CACNB3: variants seen among roughly 807,000 people sequenced by gnomAD.
CACNB3 encodes the protein calcium voltage-gated channel auxiliary subunit beta 3, also known as voltage-dependent L-type calcium channel subunit beta-3.
A neutral mutation model predicts 63.7 loss-of-function variants in CACNB3; 36 were observed. That is an observed-to-expected ratio of 0.57 (90% CI 0.43 to 0.75). The LOEUF is 0.75. Ranked by LOEUF, CACNB3 falls within the 30% of genes least tolerant of loss-of-function variation. The pLI is 0.00. For missense variants in CACNB3, 493 were observed against 648.6 expected, an observed-to-expected ratio of 0.76 and a Z score of 2.61; for synonymous variants, 241 against 250.6, an observed-to-expected ratio of 0.96 and a Z score of 0.36.
chr12:48,824,014 T>G, intron 3 of CACNB3: 1 of 691,112 alleles, frequency 1.4e-6, no homozygotes, highest in South Asian at 1.9e-5. Flanking sequence ...TCTCCATGTC[T>G]GTCAAGTGAG....
chr12:48,820,793 G>A (rs910851247), intron 1 of CACNB3: 5 of 152,256 alleles, frequency 3.3e-5, no homozygotes, highest in Non-Finnish European at 5.9e-5. Flanking sequence ...ATGGAGAGGG[G>A]GTTCCATTCT....
upstream of CACNB3, among the ~76,000 whole-genome samples, chr12:48,816,282 T>C (rs758254128): frequency 3.3e-5 from 5 of 152,242 alleles, no homozygotes; most frequent in Non-Finnish European, 5.9e-5. Context: ...ATTCAGGCTT[T>C]TCCTCTTATG....
Position 48,823,573 on chromosome 12 carries a change from A to T in CACNB3, c.168+107A>T. The T allele has an allele frequency of 1.9e-6, 3 of 1,598,808 alleles. No individual in the cohort carries two copies. Among genetic ancestry groups the T allele is most frequent in the Non-Finnish European group, 2.6e-6 (3 of 1,171,506 alleles). ...TGGGCAGGATGTCCTTGAGTGTGAG[A>T]GGGTGTGTGTGATGGGCAGAGGCCA... On this transcript the variant is annotated intron_variant, in intron 2 of 12. Transcript: ENST00000301050. This position sits in a 1 kb window ranked among gnomAD's most constrained non-coding sequence, Gnocchi z 4.2.
Position 48,825,021 on chromosome 12 carries a change from G to T in CACNB3, c.492+53G>T, listed in dbSNP as rs1186224512. 2 of 1,572,608 alleles carry T rather than the reference G, an allele frequency of 1.3e-6. No individual in the cohort carries two copies. The highest frequency in any genetic ancestry group is 3.2e-5 in the African/African-American group (2 of 61,590). ...GGGGATCATGGCTTATGGCTCTGGG[G>T]ACAGTGTTCTAGGCAGTCATTGTTG... On this transcript the variant is annotated intron_variant, in intron 6 of 12. Transcript: ENST00000301050. This position sits in a 1 kb window ranked among gnomAD's most constrained non-coding sequence, Gnocchi z 4.5.
At position 48,824,207 on chromosome 12, in the gene CACNB3, C is replaced by T. The variant is rs1363478765; in HGVS notation, c.292-51C>T. The T allele has an allele frequency of 2.8e-6, 4 of 1,452,234 alleles. No homozygotes were observed. The East Asian group carries it at 9.4e-5, about 34-fold the overall frequency. The allele number at this position is 1,452,234 out of a possible 1,614,324, so 90.0% of individuals were successfully genotyped here. ...GCTCCTTCACATTGAAGAGCCAGGA[C>T]TGGGGCGGGGCGCTTCTCTCACCAC... On this transcript the variant is annotated intron_variant, in intron 3 of 12. Transcript: ENST00000301050.
Position 48,827,845 on chromosome 12 carries a change from CCA to C in CACNB3, c.1404_1405del (p.His468GlnfsTer2). The C allele has an allele frequency of 2.5e-6, 4 of 1,614,130 alleles. No homozygotes were observed. The highest frequency in any genetic ancestry group is 1.3e-5 in the African/African-American group (1 of 75,070). On this transcript the variant is annotated frameshift_variant, in exon 13 of 13. Transcript: ENST00000301050. LOFTEE classifies it high-confidence loss of function. ...RLLAQDSEHN[H>X]SDRNWQRNRP... Reference sequence around the variant, plus strand: ...TTCTAGCCCAGGACTCAGAGCACAACCACAGTGACCGGAACTGGCAGCGCAAC... The same window carrying C: ...TTCTAGCCCAGGACTCAGAGCACAACCAGTGACCGGAACTGGCAGCGCAAC...
intron 12 of CACNB3, 68 bp from the exon 13 acceptor site, chr12:48,827,517 C>A: frequency 1.4e-6 from 2 of 1,403,156 alleles, no homozygotes; most frequent in South Asian, 1.3e-5. Flanking sequence ...GGGGAAGAAT[C>A]TCGCACCTCA....
Position 48,828,679 on chromosome 12 carries a change from T to C in CACNB3, c.*780T>C, listed in dbSNP as rs746413257. The C allele has an allele frequency of 8.8e-6, 4 of 456,490 alleles. No individual in the cohort carries two copies. The highest frequency in any genetic ancestry group is 6.2e-5 in the South Asian group (4 of 64,558). 28.3% of individuals were successfully genotyped at this position (456,490 alleles called of 1,614,324 possible). Reference sequence around the variant, plus strand: ...TAGCAGAGAACTTAGGGGGGCCTCCTTGCCTTTCTCATTCTTTTGCCCTGC... The same window carrying C: ...TAGCAGAGAACTTAGGGGGGCCTCCCTGCCTTTCTCATTCTTTTGCCCTGC... On this transcript the variant is annotated 3_prime_UTR_variant, in exon 13 of 13. Transcript: ENST00000301050.
At chr12:48,815,719 G>A, upstream of CACNB3, 2 of 1,463,698 alleles carry the variant, frequency 1.4e-6, no homozygotes, top group Non-Finnish European at 1.8e-6. Context: ...CAACCTTCCT[G>A]CTGAACGAGG....
chr12:48,828,015 C>T lies in CACNB3; in HGVS notation c.*116C>T, dbSNP rs1272045973. On this transcript the variant is annotated 3_prime_UTR_variant, in exon 13 of 13. Coordinates refer to ENST00000301050, the MANE Select transcript of CACNB3 (RefSeq NM_000725.4). Reference sequence around the variant, plus strand: ...GGCACTAGGCTCAGCCCCCAAAACCCCCTGCCCAGCCCCAGCTTCAGGGCT... The same window carrying T: ...GGCACTAGGCTCAGCCCCCAAAACCTCCTGCCCAGCCCCAGCTTCAGGGCT... The T allele has an allele frequency of 1.1e-5, 9 of 856,266 alleles. No individual in the cohort carries two copies. The East Asian group carries it at 2.4e-4, about 23-fold the overall frequency. The allele number at this position is 856,266 out of a possible 1,614,324, so 53.0% of individuals were successfully genotyped here.
chr12:48,827,021 T>C lies in CACNB3; in HGVS notation c.1038T>C (p.Cys346=). ...ATGAGAACCAGCTGGAGGATGCCTG[T>C]GAGCACCTGGCTGAGTACCTGGAGG... ...ILDENQLEDA[C]EHLAEYLEVY... Residue 346 remains cysteine (C), a synonymous_variant, in exon 12 of 13, where the codon TGT becomes TGC. Transcript: ENST00000301050. 6.2e-7 allele frequency: 1 copy of C among 1,614,108 alleles called. No individual in the cohort carries two copies. The highest frequency in any genetic ancestry group is 8.5e-7 in the Non-Finnish European group (1 of 1,180,024).
At position 48,826,285 on chromosome 12, in the gene CACNB3, A is replaced by G; in HGVS notation, c.743-82A>G. ...CTTTTCCTCCAATTCCTTCCTGTCC[A>G]CCATTCGGGAGCCCTCAAAGCCTGC... On this transcript the variant is annotated intron_variant, in intron 9 of 12. Transcript: ENST00000301050. This position sits in a 1 kb window ranked among gnomAD's most constrained non-coding sequence, Gnocchi z 4.8. 1 of 1,414,588 alleles carries G rather than the reference A, an allele frequency of 7.1e-7. No individual in the cohort carries two copies. The highest frequency in any genetic ancestry group is 2.0e-4 in the Middle Eastern group (1 of 5,042). The allele number at this position is 1,414,588 out of a possible 1,614,324, so 87.6% of individuals were successfully genotyped here.
chr12:48,823,610 T>C lies in CACNB3; in HGVS notation c.169-71T>C. On this transcript the variant is annotated intron_variant, in intron 2 of 12. Transcript: ENST00000301050. This position sits in a 1 kb window ranked among gnomAD's most constrained non-coding sequence, Gnocchi z 4.2. ...ATGGGCAGAGGCCACGGCCTTCTGC[T>C]GTTGGGGCACTGAAGCTGGAAGGGG... 6.2e-7 allele frequency: 1 copy of C among 1,611,590 alleles called. No individual in the cohort carries two copies. Among genetic ancestry groups the C allele is most frequent in the Non-Finnish European group, 8.5e-7 (1 of 1,178,410 alleles).
At chr12:48,819,636 C>A in intron 1 of CACNB3, 1 of 454,056 alleles carries the variant, frequency 2.2e-6, no homozygotes. Flanking sequence ...TATTCCACAG[C>A]CCCCTGCTGA....
At chr12:48,815,743 G>T (rs1172434023), upstream of CACNB3, 6 of 1,398,524 alleles carry the variant, frequency 4.3e-6, no homozygotes, top group Non-Finnish European at 4.9e-6. Context: ...CCGTGGGGGG[G>T]GTGTGGGGTC....
Position 48,819,767 on chromosome 12 carries a change from C to T in CACNB3, c.45+793C>T, listed in dbSNP as rs891566894. ...CGCTTTGCTCAGAGAAACAGGCAAC[C>T]GATAAATATTTAATTCTCCTCTTTG... On this transcript the variant is annotated intron_variant, in intron 1 of 12. Transcript: ENST00000301050. 36 of 421,946 alleles carry T rather than the reference C, an allele frequency of 8.5e-5. 2 individuals are homozygous for T. The highest frequency in any genetic ancestry group is 5.3e-4 in the South Asian group (32 of 60,304). The allele number at this position is 421,946 out of a possible 1,614,324, so 26.1% of individuals were successfully genotyped here.
Position 48,823,533 on chromosome 12 carries a change from G to A in CACNB3, c.168+67G>A. The stretch of plus-strand genomic sequence containing the variant: ...GGTGGAAACCTGCACTCGGTCCTAA[G>A]TCCCAAGGGGTCCTTGGGCAGGATG... On this transcript the variant is annotated intron_variant, in intron 2 of 12. Coordinates refer to ENST00000301050, the MANE Select transcript of CACNB3 (RefSeq NM_000725.4). The surrounding 1 kb of genome is among the most constrained non-coding windows in gnomAD (Gnocchi z 4.2). 1 of 1,597,912 alleles carries A rather than the reference G, an allele frequency of 6.3e-7. No individual in the cohort carries two copies. The highest frequency in any genetic ancestry group is 8.5e-7 in the Non-Finnish European group (1 of 1,171,286).
upstream of CACNB3, chr12:48,816,779 T>G: frequency 1.1e-6 from 1 of 925,430 alleles, no homozygotes; most frequent in Non-Finnish European, 1.3e-6. Flanking sequence ...CAGGACCTTC[T>G]GTGGGTGGAG....
chr12:48,828,246 G>A lies in CACNB3; in HGVS notation c.*347G>A, dbSNP rs1360869012. On this transcript the variant is annotated 3_prime_UTR_variant, in exon 13 of 13. Transcript: ENST00000301050. Reference sequence around the variant, plus strand: ...GGTCCTTCCCACCAGACTCAGGGAAGGGATGCCCCATTAAAGTGACAAAAG... The same window carrying A: ...GGTCCTTCCCACCAGACTCAGGGAAAGGATGCCCCATTAAAGTGACAAAAG... The A allele has an allele frequency of 2.7e-6, 1 of 375,744 alleles. No homozygotes were observed. The highest frequency in any genetic ancestry group is 5.0e-6 in the Non-Finnish European group (1 of 198,936). The allele number at this position is 375,744 out of a possible 1,614,324, so 23.3% of individuals were successfully genotyped here.
Sources: allele counts gnomAD v4.1 joint callset (sites outside exome capture counted in the v4.1 genomes callset), GRCh38; gene constraint gnomAD v4.1.1; non-coding constraint Gnocchi (gnomAD v3.1); transcripts MANE v1.5; gene names NCBI Gene and HGNC (gene_info 2026-07-23, HGNC 2026-07-21).